The following LPIN2 variants were observed in gnomAD, a reference collection of about 807,000 sequenced individuals.
The protein encoded by LPIN2 is lipin 2, also known as phosphatidate phosphatase LPIN2.
Under a neutral mutation model 111.4 loss-of-function variants are expected in LPIN2, and 55 were observed. The ratio of observed to expected loss-of-function variants is 0.49; its 90% CI spans 0.40 to 0.62. The LOEUF is 0.62. Among genes scored for constraint, LPIN2 ranks in the 20% least tolerant of loss-of-function variants. The probability of loss-of-function intolerance (pLI) is 0.00; values close to 1 mark genes in which losing one functional copy is unlikely to be tolerated. For synonymous variants in LPIN2, 425 were observed against 414.0 expected (o/e 1.03, Z -0.32); for missense variants, 992 against 1,112.1 (o/e 0.89, Z 1.54).
chr18:2,922,225 C>G (rs1400409937), intron 16 of LPIN2, 26 bp from the exon 17 acceptor site: 2 of 1,612,878 alleles, frequency 1.2e-6, no homozygotes, highest in Non-Finnish European at 1.7e-6. Context: ...CCCTGTTAGC[C>G]CACATGTTCT....
chr18:2,946,739 G>A (rs1360783968), intron 4 of LPIN2: 7 of 553,718 alleles, frequency 1.3e-5, no homozygotes, highest in Non-Finnish European at 2.3e-5. Context: ...CTATTCACTG[G>A]TAGTATGGAA....
chr18:2,962,358 T>C (rs1199409655), intron 1 of LPIN2, among the ~76,000 whole-genome samples: 2 of 152,230 alleles, frequency 1.3e-5, no homozygotes, highest in Non-Finnish European at 2.9e-5. Context: ...CAAAATAAGA[T>C]GACATCCTTT....
intron 11 of LPIN2, 39 bp downstream of exon 11, chr18:2,928,552 G>T: frequency 6.3e-7 from 1 of 1,593,670 alleles, no homozygotes; most frequent in Non-Finnish European, 8.6e-7. Flanking sequence ...AGACACTGCG[G>T]ATGCTTTCGG....
chr18:2,953,975 A>T (rs1402668339), intron 3 of LPIN2, among the ~76,000 whole-genome samples: 1 of 152,214 alleles, frequency 6.6e-6, no homozygotes, highest in Admixed American at 6.5e-5. Context: ...TTGCTAGAAG[A>T]AGTCAAACAT....
intron 1 of LPIN2, among the ~76,000 whole-genome samples, chr18:2,989,873 T>C (rs1401926172): frequency 1.3e-5 from 2 of 150,466 alleles, no homozygotes; most frequent in East Asian, 3.9e-4. Flanking sequence ...TGAGCTGAGA[T>C]TGCACCACTG....
At chr18:2,950,309 C>T (rs1330804513) in intron 4 of LPIN2, 1 of 152,134 alleles carries the variant, frequency 6.6e-6, no homozygotes, top group Admixed American at 6.6e-5. Context: ...TAGGGTGTGA[C>T]CTCTTTTCGA....
chr18:2,917,984 A>G lies in LPIN2; in HGVS notation c.*2309T>C, dbSNP rs144588821. 1 of 152,230 alleles carries G rather than the reference A, an allele frequency of 6.6e-6. No individual in the cohort carries two copies. Among genetic ancestry groups the G allele is most frequent in the South Asian group, 2.1e-4 (1 of 4,832 alleles). 9.4% of individuals were successfully genotyped at this position (152,230 alleles called of 1,614,324 possible). Reference sequence around the variant, plus strand: ...GGCATCTCTTTCACAGAAAGAACAAATGTCATTTGTACCAAATGGCAATGG... The same window carrying G: ...GGCATCTCTTTCACAGAAAGAACAAGTGTCATTTGTACCAAATGGCAATGG... On this transcript the variant is annotated 3_prime_UTR_variant, in exon 20 of 20. Coordinates refer to ENST00000677752, the MANE Select transcript of LPIN2 (RefSeq NM_001375808.2).
intron 4 of LPIN2, among the ~76,000 whole-genome samples, chr18:2,944,231 TAAAA>T (rs569764451): frequency 7.2e-6 from 1 of 139,206 alleles, no homozygotes; most frequent in African/African-American, 2.6e-5. Context: ...TTCATGACTT[TAAAA>T]AAAAAAACTC....
chr18:2,929,956 G>T (rs1048074352), intron 9 of LPIN2, among the ~76,000 whole-genome samples: 2 of 152,146 alleles, frequency 1.3e-5, no homozygotes, highest in East Asian at 3.9e-4. Context: ...ATTGCTTGGA[G>T]AATTAAAAAA....
chr18:2,959,409 G>GA (rs1308463634), intron 2 of LPIN2, among the ~76,000 whole-genome samples: 2 of 152,170 alleles, frequency 1.3e-5, no homozygotes, highest in African/African-American at 4.8e-5. Flanking sequence ...GCAAAAAGCT[G>GA]AAAATAAATG....
At position 2,958,158 on chromosome 18, in the gene LPIN2, C is replaced by CAAAAA. The variant is rs1555678271; in HGVS notation, c.192+2490_192+2491insTTTTT. Among the ~76,000 whole-genome samples the CAAAAA allele has an allele frequency of 1.3e-3, 46 of 35,340 alleles. 1 individual carries two copies. Among genetic ancestry groups the CAAAAA allele is most frequent in the South Asian group, 2.1e-3 (2 of 938 alleles). The allele number at this position is 35,340 out of a possible 152,430, so 23.2% of individuals were successfully genotyped here. On this transcript the variant is annotated intron_variant, in intron 2 of 19. Transcript: ENST00000677752. ...CTCCATCTCAAAAAAAAAAAAAAAA[C>CAAAAA]AACAAAAAAAAAAAACAGAAAAAAG...
At position 2,927,839 on chromosome 18, in the gene LPIN2, G is replaced by A. The variant is rs779594145; in HGVS notation, c.1621-28C>T. ...GAAAACAACCAACCTGGGTTAGTCT[G>A]GGCAATCTACTGGCCACACAGCACC... On this transcript the variant is annotated intron_variant, in intron 11 of 19. Transcript: ENST00000677752. 8 of 1,600,042 alleles carry A rather than the reference G, an allele frequency of 5.0e-6. No individual in the cohort carries two copies. The African/African-American group carries it at 9.4e-5, about 19-fold the overall frequency.
chr18:2,960,291 A>G (rs1045550257), intron 2 of LPIN2, among the ~76,000 whole-genome samples: 2 of 151,900 alleles, frequency 1.3e-5, no homozygotes, highest in Admixed American at 6.6e-5. Context: ...AAAATACTAT[A>G]TAAGGTAAAG....
chr18:2,925,475 A>G lies in LPIN2; in HGVS notation c.1794-107T>C. 6.9e-7 allele frequency: 1 copy of G among 1,451,032 alleles called. No homozygotes were observed. Among genetic ancestry groups the G allele is most frequent in the South Asian group, 1.2e-5 (1 of 85,846 alleles). The allele number at this position is 1,451,032 out of a possible 1,614,324, so 89.9% of individuals were successfully genotyped here. The stretch of plus-strand genomic sequence containing the variant: ...AAGATATCCTAAATCTTTTCTAGGA[A>G]TGGGTAGAGTTATCCCTTCTGCCAT... On this transcript the variant is annotated intron_variant, in intron 13 of 19. Transcript: ENST00000677752. The surrounding 1 kb of genome is among the most constrained non-coding windows in gnomAD (Gnocchi z 4.1).
At chr18:2,963,252 C>A (rs530507169) in intron 1 of LPIN2, among the ~76,000 whole-genome samples, 1 of 152,166 alleles carries the variant, frequency 6.6e-6, no homozygotes, top group South Asian at 2.1e-4. Context: ...GCTTCCTCAC[C>A]GTTAGTTACG....
intron 16 of LPIN2, among the ~76,000 whole-genome samples, chr18:2,923,365 A>G (rs567209706): frequency 7.8e-6 from 1 of 128,430 alleles, no homozygotes; most frequent in East Asian, 2.6e-4. Flanking sequence ...GACTGCAGTG[A>G]GCCAAGGTCG....
chr18:2,932,198 C>T (rs898493401), intron 8 of LPIN2, among the ~76,000 whole-genome samples: 1 of 152,208 alleles, frequency 6.6e-6, no homozygotes, highest in African/African-American at 2.4e-5. Flanking sequence ...TTAAGTCTCA[C>T]AGTCCCCAAT....
At chr18:2,974,061 T>C (rs1335770589) in intron 1 of LPIN2, among the ~76,000 whole-genome samples, 1 of 152,172 alleles carries the variant, frequency 6.6e-6, no homozygotes, top group African/African-American at 2.4e-5. Flanking sequence ...TTTTACAAAG[T>C]TGATTTTACT....
chr18:2,999,560 C>T lies in LPIN2; in HGVS notation c.-10+13527G>A, dbSNP rs1314951382. On this transcript the variant is annotated intron_variant, in intron 1 of 19. Coordinates refer to ENST00000677752, the MANE Select transcript of LPIN2 (RefSeq NM_001375808.2). Reference sequence around the variant, plus strand: ...CGGAGCTTGCAGTGAGCCAAGATCACGCCACTGCACTCCAGCCTGGGTGAC... The same window carrying T: ...CGGAGCTTGCAGTGAGCCAAGATCATGCCACTGCACTCCAGCCTGGGTGAC... Among the ~76,000 whole-genome samples the T allele has an allele frequency of 3.3e-5, 5 of 150,988 alleles. No homozygotes were observed. In the South Asian group the frequency reaches 8.3e-4, roughly 25 times the overall value.
Sources: allele counts gnomAD v4.1 joint callset (sites outside exome capture counted in the v4.1 genomes callset), GRCh38; gene constraint gnomAD v4.1.1; non-coding constraint Gnocchi (gnomAD v3.1); transcripts MANE v1.5; gene names NCBI Gene and HGNC (gene_info 2026-07-23, HGNC 2026-07-21).